GPR35: variants seen among roughly 807,000 people sequenced by gnomAD.
The protein encoded by GPR35 is G protein-coupled receptor 35, also known as KYNA receptor.
For missense variants in GPR35, 372 were observed against 422.5 expected, an observed-to-expected ratio of 0.88 and a Z score of 1.05; for synonymous variants, 207 against 198.4, an observed-to-expected ratio of 1.04 and a Z score of -0.36.
At chr2:240,629,919 G>A in intron 1 of GPR35, 30 bp from the exon 2 acceptor site, 1 of 1,567,638 alleles carries the variant, frequency 6.4e-7, no homozygotes, top group East Asian at 2.3e-5. Context: ...CTCACTCTCT[G>A]CTGACCTCCG....
chr2:240,629,810 TGAG>T lies in GPR35; in HGVS notation c.-4-135_-4-133del, dbSNP rs1051843330. The T allele has an allele frequency of 4.5e-5, 31 of 689,074 alleles. No homozygotes were observed. In the Admixed American group the frequency reaches 7.1e-4, roughly 16 times the overall value. 42.7% of individuals were successfully genotyped at this position (689,074 alleles called of 1,614,324 possible). ...TTCTTTACGGCACCCATGCTTTCTT[TGAG>T]GAGTTTTGTGTTTGTGGGTGTGGGG... is the stretch of plus-strand genomic sequence containing the variant. On this transcript the variant is annotated intron_variant, in intron 1 of 1. Transcript: ENST00000407714.
In GPR35 at chr2:240,632,688, G is replaced by T. The variant is rs978893443; in HGVS notation, c.*1806G>T. 2.7e-5 allele frequency among the ~76,000 whole-genome samples: 4 copies of T among 147,844 alleles called. No individual in the cohort carries two copies. Among genetic ancestry groups the T allele is most frequent in the Non-Finnish European group, 1.5e-5 (1 of 66,988 alleles). On this transcript the variant is annotated 3_prime_UTR_variant, in exon 2 of 2. Coordinates refer to ENST00000407714, the MANE Select transcript of GPR35 (RefSeq NM_005301.5). ...AGGGTCCATGCCCAGTAAGGGCCAT[G>T]CCCATGAGATCCTCATGCCCAGGAA...
chr2:240,629,904 C>T (rs757932581), intron 1 of GPR35, 45 bp from the exon 2 acceptor site: 1 of 1,521,804 alleles, frequency 6.6e-7, no homozygotes, highest in Admixed American at 1.7e-5. Flanking sequence ...GCCTTGCTCC[C>T]CCTGCTCACT....
At chr2:240,606,276 AC>A (rs1043096151) in intron 1 of GPR35, 3 of 152,308 alleles carry the variant, frequency 2.0e-5, no homozygotes, top group African/African-American at 7.2e-5. Context: ...TGCCTGGGAC[AC>A]CCAGTCCTTT....
intron 5 of GPR35, among the ~76,000 whole-genome samples, chr2:240,619,894 G>A (rs770501077): frequency 2.0e-5 from 3 of 152,144 alleles, no homozygotes; most frequent in Non-Finnish European, 2.9e-5. Flanking sequence ...ACAGGAGGGC[G>A]AGTGAGTTGG....
At chr2:240,620,753 T>C (rs1261949703), upstream of GPR35, among the ~76,000 whole-genome samples, 2 of 152,156 alleles carry the variant, frequency 1.3e-5, no homozygotes, top group Non-Finnish European at 2.9e-5. Context: ...GCTAGTCTTC[T>C]GCAGCCACCC....
intron 2 of GPR35, among the ~76,000 whole-genome samples, chr2:240,611,100 GT>G (rs570734869): frequency 7.0e-4 from 107 of 151,988 alleles, no homozygotes; most frequent in African/African-American, 2.5e-3. Flanking sequence ...GCCCAGCTGT[GT>G]TTTTTTGTTT....
Position 240,631,149 on chromosome 2 carries a change from A to ATCTAC in GPR35, c.*267_*268insTCTAC. The ATCTAC allele has an allele frequency of 1.9e-6, 1 of 520,956 alleles. No homozygotes were observed. The highest frequency in any genetic ancestry group is 3.6e-6 in the Non-Finnish European group (1 of 281,570). The allele number at this position is 520,956 out of a possible 1,614,324, so 32.3% of individuals were successfully genotyped here. ...GGGGCCTCACACTTGCCACCCCCAGAACCAGCTCACCTGGCCAGAGTGGGT... is the reference window on the plus strand; with the variant it reads ...GGGGCCTCACACTTGCCACCCCCAGATCTACACCAGCTCACCTGGCCAGAGTGGGT... On this transcript the variant is annotated 3_prime_UTR_variant, in exon 2 of 2. Transcript: ENST00000407714.
upstream of GPR35, among the ~76,000 whole-genome samples, chr2:240,622,628 C>G (rs1355275846): frequency 6.6e-6 from 1 of 152,218 alleles, no homozygotes; most frequent in African/African-American, 2.4e-5. Context: ...GTTGGACAAG[C>G]TTGCTGCAGA....
At chr2:240,625,399 C>G (rs1002184891), upstream of GPR35, 1 of 985,510 alleles carries the variant, frequency 1.0e-6, no homozygotes, top group East Asian at 1.1e-4. Flanking sequence ...GACCTGCTGC[C>G]GTCAGTCAGC....
intron 1 of GPR35, chr2:240,628,494 G>T (rs1233707131): frequency 6.6e-6 from 1 of 152,264 alleles, no homozygotes; most frequent in African/African-American, 2.4e-5. Flanking sequence ...TAAGGAGACA[G>T]AATGAAGCCA....
intron 2 of GPR35, among the ~76,000 whole-genome samples, chr2:240,611,948 G>A (rs948355711): frequency 4.6e-5 from 7 of 152,134 alleles, no homozygotes; most frequent in Non-Finnish European, 1.0e-4. Flanking sequence ...GGACAGTAGA[G>A]ATGAAAGGAG....
intron 2 of GPR35, among the ~76,000 whole-genome samples, chr2:240,608,106 G>A (rs2043154382): frequency 6.6e-6 from 1 of 152,078 alleles, no homozygotes; most frequent in Non-Finnish European, 1.5e-5. Context: ...TGCTCGGGCT[G>A]GTCTTGAACT....
chr2:240,615,835 G>A (rs2043231796), intron 2 of GPR35, among the ~76,000 whole-genome samples: 1 of 152,164 alleles, frequency 6.6e-6, no homozygotes, highest in African/African-American at 2.4e-5. Context: ...TTATTCAACG[G>A]AGGCTACCAC....
At position 240,630,147 on chromosome 2, in the gene GPR35, C is replaced by T. The variant is rs775495276; in HGVS notation, c.195C>T (p.Ala65=). The T allele has an allele frequency of 2.0e-5, 32 of 1,600,614 alleles. No homozygotes were observed. Among genetic ancestry groups the T allele is most frequent in the Middle Eastern group, 1.7e-4 (1 of 6,050 alleles). The stretch of plus-strand genomic sequence containing the variant: ...TCTACATGACCAACCTGGCGGTGGC[C>T]GACCTCTGCCTGCTGTGCACCTTGC... ...TRIYMTNLAV[A]DLCLLCTLPF... is the part of the protein sequence containing the mutation. Residue 65 remains alanine (A), a synonymous_variant, in exon 2 of 2, where the codon GCC becomes GCT. Coordinates refer to ENST00000407714, the MANE Select transcript of GPR35 (RefSeq NM_005301.5).
intron 2 of GPR35, among the ~76,000 whole-genome samples, chr2:240,609,328 TC>T (rs150474739): frequency 0.022 from 3,423 of 152,302 alleles, 116 homozygotes; most frequent in African/African-American, 0.078. Flanking sequence ...CTTTCTTCTT[TC>T]CTAACATGAA....
upstream of GPR35, among the ~76,000 whole-genome samples, chr2:240,622,987 C>T (rs1305591393): frequency 1.3e-5 from 2 of 152,246 alleles, no homozygotes; most frequent in Non-Finnish European, 2.9e-5. Flanking sequence ...TGCCATCTGG[C>T]CTCTCGAACC....
Position 240,631,281 on chromosome 2 carries a change from A to C in GPR35, c.*399A>C. ...CCTAGTGGGGCCCTCTGTGTTTCGC[A>C]CTCGTGTGGTGGGAGGCAGGGAGGG... On this transcript the variant is annotated 3_prime_UTR_variant, in exon 2 of 2. Coordinates refer to ENST00000407714, the MANE Select transcript of GPR35 (RefSeq NM_005301.5). 1 of 229,772 alleles carries C rather than the reference A, an allele frequency of 4.4e-6. No individual in the cohort carries two copies. Among genetic ancestry groups the C allele is most frequent in the South Asian group, 9.9e-5 (1 of 10,122 alleles). The allele number at this position is 229,772 out of a possible 1,614,324, so 14.2% of individuals were successfully genotyped here.
At chr2:240,611,873 G>A (rs1054138649) in intron 2 of GPR35, among the ~76,000 whole-genome samples, 4 of 152,172 alleles carry the variant, frequency 2.6e-5, no homozygotes, top group Non-Finnish European at 5.9e-5. Flanking sequence ...CAGAACGTGC[G>A]ATGGGACAGG....
Sources: gnomAD v4.1 joint callset for allele counts (sites outside exome capture counted in the v4.1 genomes callset) on GRCh38, gnomAD v4.1.1 for gene constraint, MANE v1.5 for transcripts, NCBI Gene and HGNC (gene_info 2026-07-23, HGNC 2026-07-21) for gene names.